The following PCDHGB2 variants were observed in gnomAD, a reference collection of about 807,000 sequenced individuals.
The protein encoded by PCDHGB2 is protocadherin gamma subfamily B, 2.
PCDHGB2 carries 55 observed loss-of-function variants against 59.3 expected under a neutral mutation model. That is an observed-to-expected ratio of 0.93 (90% CI 0.75 to 1.16). PCDHGB2 has a LOEUF of 1.16. PCDHGB2 is among the 50% of genes most tolerant of loss of function. The probability of loss-of-function intolerance (pLI) is 0.00; values close to 1 mark genes in which losing one functional copy is unlikely to be tolerated. For synonymous variants in PCDHGB2, 516 were observed against 512.0 expected, an observed-to-expected ratio of 1.01 and a Z score of -0.11; for missense variants, 1,228 against 1,198.5, an observed-to-expected ratio of 1.02 and a Z score of -0.36.
Position 141,477,464 on chromosome 5 carries a change from A to G in PCDHGB2, c.2422-17343A>G. The G allele has an allele frequency of 1.2e-6, 2 of 1,614,188 alleles. No homozygotes were observed. The highest frequency in any genetic ancestry group is 1.7e-6 in the Non-Finnish European group (2 of 1,180,034). On this transcript the variant is annotated intron_variant, in intron 1 of 3. Coordinates refer to ENST00000522605, the MANE Select transcript of PCDHGB2 (RefSeq NM_018923.3). This position sits in a 1 kb window ranked among gnomAD's most constrained non-coding sequence, Gnocchi z 4.9. ...AATAGTGCGTGTTCAAGTGTCCGAC[A>G]TCAATGACAACCCTCCACAATCTTC...
rs763036184 is a variant in PCDHGB2, at chr5:141,360,527, C to T, written c.392C>T (p.Pro131Leu). 4 of 1,613,910 alleles carry T rather than the reference C, an allele frequency of 2.5e-6. No homozygotes were observed. The highest frequency in any genetic ancestry group is 3.3e-5 in the Admixed American group (2 of 60,008). ...GTGCAGGATATAAATGATAATACCC[C>T]GCTATTCAAACAGACTAAGATTAAT... ...VIVQDINDNT[P>L]LFKQTKINLK... Residue 131 changes from proline (P) to leucine (L), a missense_variant, in exon 1 of 4, where the codon CCG (proline) becomes CTG (leucine). Coordinates refer to ENST00000522605, the MANE Select transcript of PCDHGB2 (RefSeq NM_018923.3).
chr5:141,360,685 C>G lies in PCDHGB2; in HGVS notation c.550C>G (p.Gln184Glu), dbSNP rs1174520125. ...DNEYFDLAEK[Q>E]TPDGRKYPEL... ...CGAGTACTTTGATCTCGCTGAGAAA[C>G]AGACTCCAGATGGTCGTAAATATCC... The change falls in exon 1 of 4, where the codon CAG becomes GAG. Residue 184 changes from glutamine (Q) to glutamate (E), a missense_variant. Physicochemically the swap from Gln to Glu is conservative, Grantham distance 29. Coordinates refer to ENST00000522605, the MANE Select transcript of PCDHGB2 (RefSeq NM_018923.3). 1.2e-6 allele frequency: 2 copies of G among 1,613,986 alleles called. No homozygotes were observed. Among genetic ancestry groups the G allele is most frequent in the Non-Finnish European group, 1.7e-6 (2 of 1,179,892 alleles).
chr5:141,383,342 C>T, intron 1 of PCDHGB2: 2 of 1,613,958 alleles, frequency 1.2e-6, no homozygotes, highest in Non-Finnish European at 1.7e-6. Flanking sequence ...AATACAGCTC[C>T]TGGGGTTCGG....
chr5:141,494,671 C>T, intron 1 of PCDHGB2, 136 bp from the exon 2 acceptor site: 1 of 1,532,340 alleles, frequency 6.5e-7, no homozygotes, highest in East Asian at 2.4e-5. Context: ...GAGATGAGTC[C>T]ACCCCTGCCC....
At chr5:141,470,428 T>A (rs974038419) in intron 1 of PCDHGB2, among the ~76,000 whole-genome samples, 1 of 152,254 alleles carries the variant, frequency 6.6e-6, no homozygotes, top group Non-Finnish European at 1.5e-5. Flanking sequence ...TTTTTCCTTG[T>A]GTGCAATAAT....
intron 1 of PCDHGB2, chr5:141,423,194 C>T (rs1467994226): frequency 3.7e-6 from 6 of 1,613,588 alleles, no homozygotes; most frequent in South Asian, 1.1e-5. Context: ...CCCCCTCTCT[C>T]GGCCACCGTC....
chr5:141,405,648 G>A (rs936380418), intron 1 of PCDHGB2: 3 of 523,734 alleles, frequency 5.7e-6, no homozygotes, highest in East Asian at 3.2e-5. Flanking sequence ...CTAATTTTTT[G>A]TGTGTTTTTA....
chr5:141,376,210 C>T lies in PCDHGB2; in HGVS notation c.2421+13654C>T, dbSNP rs112869528. On this transcript the variant is annotated intron_variant, in intron 1 of 3. Transcript: ENST00000522605. ...CCTGCGTCTTCCTGGCCTTCGTCAT[C>T]GTGCTGCTGGCGCTCAGACTGCAGC... is the stretch of plus-strand genomic sequence containing the variant. 4,829 of 1,614,162 alleles carry T rather than the reference C, an allele frequency of 3.0e-3. 128 individuals carry two copies. The African/African-American group carries it at 0.055, about 18-fold the overall frequency.
chr5:141,391,331 G>A (rs75432065), intron 1 of PCDHGB2: 5 of 95,914 alleles, frequency 5.2e-5, no homozygotes, highest in Non-Finnish European at 6.3e-5. Context: ...TTTTTTTTTT[G>A]AGACAGAGTC....
intron 1 of PCDHGB2, chr5:141,419,158 C>T (rs757849297): frequency 5.0e-6 from 8 of 1,613,950 alleles, no homozygotes; most frequent in Admixed American, 1.7e-5. Context: ...CTCCGTTATC[C>T]TCCAGCAAAA....
At chr5:141,415,045 G>A (rs2095819214) in intron 1 of PCDHGB2, 23 of 1,613,538 alleles carry the variant, frequency 1.4e-5, no homozygotes, top group Non-Finnish European at 1.8e-5. Flanking sequence ...CTTCGCGGTG[G>A]GGGAGCACAC....
At position 141,431,398 on chromosome 5, in the gene PCDHGB2, G is replaced by A. The variant is rs1052461071; in HGVS notation, c.2422-63409G>A. ...AGGCTGCTCACCACCTGGTCCTTACGGCCTCCGACGGGGGCGACCCGGTGC... is the reference window on the plus strand; with the variant it reads ...AGGCTGCTCACCACCTGGTCCTTACAGCCTCCGACGGGGGCGACCCGGTGC... On this transcript the variant is annotated intron_variant, in intron 1 of 3. Coordinates refer to ENST00000522605, the MANE Select transcript of PCDHGB2 (RefSeq NM_018923.3). This position sits in a 1 kb window ranked among gnomAD's most constrained non-coding sequence, Gnocchi z 4.8. The A allele has an allele frequency of 6.8e-6, 11 of 1,613,768 alleles. No homozygotes were observed. Among genetic ancestry groups the A allele is most frequent in the Non-Finnish European group, 9.3e-6 (11 of 1,180,036 alleles).
At chr5:141,498,361 T>C (rs1256361883) in intron 2 of PCDHGB2, among the ~76,000 whole-genome samples, 1 of 151,460 alleles carries the variant, frequency 6.6e-6, no homozygotes, top group African/African-American at 2.4e-5. Flanking sequence ...GCAAAAGCCT[T>C]GTGGTGAGGC....
At chr5:141,420,088 C>T in intron 1 of PCDHGB2, 5 of 1,614,002 alleles carry the variant, frequency 3.1e-6, no homozygotes, top group Non-Finnish European at 4.2e-6. Context: ...CCCCCAACTA[C>T]AGTGAGGGAA....
At position 141,403,603 on chromosome 5, in the gene PCDHGB2, C is replaced by T. The variant is rs2094431906; in HGVS notation, c.2421+41047C>T. On this transcript the variant is annotated intron_variant, in intron 1 of 3. Coordinates refer to ENST00000522605, the MANE Select transcript of PCDHGB2 (RefSeq NM_018923.3). ...ACCTGGTCCTCACGGCCTCGGATGG[C>T]GGCGAGCCGCGTCGCTCCAGCACAG... 4 of 1,613,762 alleles carry T rather than the reference C, an allele frequency of 2.5e-6. No individual in the cohort carries two copies. The East Asian group carries it at 8.9e-5, about 36-fold the overall frequency.
At position 141,493,093 on chromosome 5, in the gene PCDHGB2, A is replaced by G. The variant is rs78102761; in HGVS notation, c.2422-1714A>G. On this transcript the variant is annotated intron_variant, in intron 1 of 3. Transcript: ENST00000522605. The surrounding 1 kb of genome is among the most constrained non-coding windows in gnomAD (Gnocchi z 4.3). ...CTCCAACTCCAGGAGCTTTTATTCA[A>G]AATATATCAATGCCTAACTCTGCTC... 0.034 allele frequency among the ~76,000 whole-genome samples: 5,198 copies of G among 152,282 alleles called. 159 individuals carry two copies. Among genetic ancestry groups the G allele is most frequent in the African/African-American group, 0.079 (3,275 of 41,546 alleles).
intron 2 of PCDHGB2, 35 bp from the exon 3 acceptor site, chr5:141,505,358 G>A (rs1156448862): frequency 6.2e-7 from 1 of 1,613,796 alleles, no homozygotes; most frequent in Non-Finnish European, 8.5e-7. Context: ...GTGCCGGCCT[G>A]GGAGTCTGTG....
rs138616951 is a variant in PCDHGB2, at chr5:141,490,312, C to T, written c.2422-4495C>T. On this transcript the variant is annotated intron_variant, in intron 1 of 3. Transcript: ENST00000522605. The surrounding 1 kb of genome is among the most constrained non-coding windows in gnomAD (Gnocchi z 5.4). ...GGTGCTATTGGCCTCTTTGGCCAAC[C>T]CTGTCCTAGAGAGCACACCAGTGGG... 67 of 1,614,050 alleles carry T rather than the reference C, an allele frequency of 4.2e-5. No individual in the cohort carries two copies. The highest frequency in any genetic ancestry group is 5.3e-5 in the Non-Finnish European group (63 of 1,180,008).
chr5:141,389,928 C>G, intron 1 of PCDHGB2: 1 of 1,614,066 alleles, frequency 6.2e-7, no homozygotes, highest in Non-Finnish European at 8.5e-7. Flanking sequence ...CCCCTCTGAC[C>G]TCCAGGCTGA....
Sources: gnomAD v4.1 joint callset for allele counts (sites outside exome capture counted in the v4.1 genomes callset) on GRCh38, gnomAD v4.1.1 for gene constraint, Gnocchi (gnomAD v3.1) non-coding constraint, MANE v1.5 for transcripts, NCBI Gene and HGNC (gene_info 2026-07-23, HGNC 2026-07-21) for gene names.